Variants in AP3B1 observed in about 807,000 individuals in gnomAD.
AP3B1 encodes the protein adaptor related protein complex 3 subunit beta 1.
In AP3B1, 61 loss-of-function variants were observed where a neutral mutation model predicts 132.5. The ratio of observed to expected loss-of-function variants is 0.46; its 90% CI spans 0.37 to 0.57. The LOEUF (loss-of-function observed/expected upper bound fraction) is 0.57, where lower values mean the gene tolerates loss of function less well. AP3B1 is among the 20% of genes least tolerant of loss of function. AP3B1 has a pLI of 0.00. For missense variants in AP3B1, 1,120 were observed against 1,289.4 expected, an observed-to-expected ratio of 0.87 and a Z score of 2.01; for synonymous variants, 388 against 438.3, an observed-to-expected ratio of 0.89 and a Z score of 1.43.
chr5:78,122,884 G>A (rs915909739), intron 17 of AP3B1, among the ~76,000 whole-genome samples: 9 of 152,266 alleles, frequency 5.9e-5, no homozygotes, highest in East Asian at 1.9e-4. Flanking sequence ...AGTCCGCATC[G>A]CCAAGTCAAT....
rs751683762 is a variant in AP3B1 at position 78,129,217 on chromosome 5, T to C, written c.1741A>G (p.Ile581Val). 1.7e-5 allele frequency: 28 copies of C among 1,613,044 alleles called. No individual in the cohort carries two copies. In the African/African-American group the frequency reaches 2.1e-4, roughly 12 times the overall value. The stretch of plus-strand genomic sequence containing the variant: ...GCTCCACTCTTTACATTCGGAACAA[T>C]AAGCTGCCTAATAAATCTTGTACGG... ...RDRTRFIRQL[I>V]VPNVKSGALS... The change falls in exon 16 of 27, where the codon ATT becomes GTT. Residue 581 changes from isoleucine to valine, a missense_variant. Around this residue, in one of 3 missense-constraint regions of AP3B1, gnomAD observed 906 missense variants for 997.1 expected, o/e 0.91. Coordinates refer to ENST00000255194, the MANE Select transcript of AP3B1 (RefSeq NM_003664.5).
intron 17 of AP3B1, among the ~76,000 whole-genome samples, chr5:78,117,166 C>T (rs1295134392): frequency 6.8e-6 from 1 of 147,178 alleles, no homozygotes; most frequent in Non-Finnish European, 1.5e-5. Context: ...CACCATTCCC[C>T]ACCACCTTTT....
At chr5:78,076,895 C>T (rs766250654) in intron 22 of AP3B1, among the ~76,000 whole-genome samples, 2 of 152,130 alleles carry the variant, frequency 1.3e-5, no homozygotes, top group Non-Finnish European at 2.9e-5. Flanking sequence ...GGTGTGTCTT[C>T]GTTTGGCTGG....
At chr5:78,036,057 C>T (rs1374236302) in intron 23 of AP3B1, among the ~76,000 whole-genome samples, 2 of 152,088 alleles carry the variant, frequency 1.3e-5, no homozygotes, top group Non-Finnish European at 2.9e-5. Flanking sequence ...TGATTTAGAT[C>T]TCCCTTCATC....
rs144158969 is a variant in AP3B1 at position 78,264,478 on chromosome 5, T to C, written c.204+3042A>G. Among the ~76,000 whole-genome samples, 360 of 152,314 alleles carry C rather than the reference T, an allele frequency of 2.4e-3. 2 individuals are homozygous for C. Among genetic ancestry groups the C allele is most frequent in the African/African-American group, 7.6e-3 (318 of 41,574 alleles). On this transcript the variant is annotated intron_variant, in intron 2 of 26. Transcript: ENST00000255194. Reference sequence around the variant, plus strand: ...CTTATTTTGTATTCCAGAGACTACATTGGAGCAAAGCTGATAGAAAACCCA... The same window carrying C: ...CTTATTTTGTATTCCAGAGACTACACTGGAGCAAAGCTGATAGAAAACCCA...
At chr5:78,279,203 A>T (rs1461326425) in intron 1 of AP3B1, among the ~76,000 whole-genome samples, 1 of 152,184 alleles carries the variant, frequency 6.6e-6, no homozygotes, top group Non-Finnish European at 1.5e-5. Flanking sequence ...AATGGGAGTT[A>T]TGAGATATGG....
chr5:78,155,467 G>A (rs571635260), intron 14 of AP3B1, among the ~76,000 whole-genome samples: 7 of 152,188 alleles, frequency 4.6e-5, no homozygotes, highest in African/African-American at 7.2e-5. Context: ...CTAAAATTTC[G>A]TGTTCTTGCA....
intron 22 of AP3B1, among the ~76,000 whole-genome samples, chr5:78,067,248 A>T (rs2112155342): frequency 6.6e-6 from 1 of 152,370 alleles, no homozygotes; most frequent in African/African-American, 2.4e-5. Flanking sequence ...TACCTAATAT[A>T]GGAGCACCCA....
chr5:78,237,500 T>A (rs778891258), intron 3 of AP3B1, among the ~76,000 whole-genome samples: 1 of 151,326 alleles, frequency 6.6e-6, no homozygotes, highest in Non-Finnish European at 1.5e-5. Flanking sequence ...TTTAAAATAT[T>A]AAATCTTTTT....
chr5:78,181,477 G>A (rs772895728), intron 8 of AP3B1, 30 bp downstream of exon 8: 4 of 1,602,962 alleles, frequency 2.5e-6, no homozygotes, highest in South Asian at 2.2e-5. Context: ...AAAAACCAGT[G>A]AATTATTTCT....
intron 22 of AP3B1, among the ~76,000 whole-genome samples, chr5:78,077,991 G>C (rs1287074620): frequency 2.0e-5 from 3 of 152,052 alleles, no homozygotes; most frequent in Non-Finnish European, 4.4e-5. Flanking sequence ...TCACCCACAA[G>C]GTTTCCCTTC....
intron 2 of AP3B1, among the ~76,000 whole-genome samples, chr5:78,252,839 C>G (rs1747697375): frequency 6.6e-6 from 1 of 152,214 alleles, no homozygotes; most frequent in Admixed American, 6.5e-5. Context: ...GCCTGGTTGG[C>G]TTTGCTACCT....
intron 1 of AP3B1, among the ~76,000 whole-genome samples, chr5:78,274,407 G>A (rs1454689694): frequency 6.6e-6 from 1 of 150,818 alleles, no homozygotes; most frequent in African/African-American, 2.4e-5. Flanking sequence ...TGAGATAAAG[G>A]TAAAATTTCT....
chr5:78,123,192 T>C (rs564274832), intron 17 of AP3B1, among the ~76,000 whole-genome samples: 121 of 152,242 alleles, frequency 7.9e-4, no homozygotes, highest in African/African-American at 2.8e-3. Flanking sequence ...ATACAAAAAT[T>C]AATTCAAGAT....
intron 22 of AP3B1, among the ~76,000 whole-genome samples, chr5:78,053,406 G>A (rs1022745600): frequency 6.6e-6 from 1 of 152,030 alleles, no homozygotes; most frequent in Non-Finnish European, 1.5e-5. Context: ...TCCCAGTCGG[G>A]TGCAGCGGCT....
At chr5:78,291,493 T>C (rs7722272) in intron 1 of AP3B1, among the ~76,000 whole-genome samples, 32,129 of 144,164 alleles carry the variant, frequency 0.22, 4,277 homozygotes, top group Middle Eastern at 0.33. Context: ...AAAATTAACA[T>C]CATGAAGATG....
chr5:78,283,388 C>T (rs116486331), intron 1 of AP3B1, among the ~76,000 whole-genome samples: 192 of 152,290 alleles, frequency 1.3e-3, no homozygotes, highest in Non-Finnish European at 1.8e-3. Context: ...TTTCCTTATA[C>T]CTTAAACACA....
chr5:78,189,262 T>A (rs1744727740), intron 7 of AP3B1, among the ~76,000 whole-genome samples: 1 of 152,112 alleles, frequency 6.6e-6, no homozygotes, highest in Admixed American at 6.5e-5. Flanking sequence ...AAAAAATTTT[T>A]AAACTTATGT....
chr5:78,146,616 T>C (rs1234385701), intron 14 of AP3B1, among the ~76,000 whole-genome samples: 1 of 152,216 alleles, frequency 6.6e-6, no homozygotes, highest in Non-Finnish European at 1.5e-5. Flanking sequence ...TCAACTCATA[T>C]ATATTTTTTG....
Sources: gnomAD v4.1 joint callset for allele counts (sites outside exome capture counted in the v4.1 genomes callset) on GRCh38, gnomAD v4.1.1 for gene constraint, gnomAD v4.1.1 regional missense constraint, MANE v1.5 for transcripts, NCBI Gene and HGNC (gene_info 2026-07-23, HGNC 2026-07-21) for gene names.